Variants in SLC5A10 observed in about 807,000 individuals in gnomAD.
SLC5A10 encodes sodium/mannose cotransporter SLC5A10.
A neutral mutation model predicts 68.9 loss-of-function variants in SLC5A10; 55 were observed. That is an observed-to-expected ratio of 0.80 (90% CI 0.64 to 1.00). SLC5A10 has a LOEUF of 1.00. Ranked by LOEUF, SLC5A10 falls within the 50% of genes least tolerant of loss-of-function variation. The pLI is 0.00. For missense variants in SLC5A10, 732 were observed against 819.3 expected (o/e 0.89, Z 1.30); for synonymous variants, 344 against 344.8 (o/e 1.00, Z 0.02).
rs556522304 is a variant in SLC5A10 at position 18,953,124 on chromosome 17, C to G, written c.111+808C>G. 3.1e-3 allele frequency among the ~76,000 whole-genome samples: 421 copies of G among 135,992 alleles called. 2 individuals carry two copies. The highest frequency in any genetic ancestry group is 9.5e-3 in the Admixed American group (118 of 12,414). The allele number at this position is 135,992 out of a possible 152,430, so 89.2% of individuals were successfully genotyped here. On this transcript the variant is annotated intron_variant, in intron 1 of 14. Coordinates refer to ENST00000395645, the MANE Select transcript of SLC5A10 (RefSeq NM_001042450.4). ...CAGTCTCCTGGGGAGAATGAGTACC[C>G]CTTCTTTTTTTTTTTTTTTTTTTTT...
Position 19,016,302 on chromosome 17 carries a change from G to A in SLC5A10, c.1241+1103G>A, listed in dbSNP as rs570043106. Among the ~76,000 whole-genome samples the A allele has an allele frequency of 1.1e-4, 17 of 152,160 alleles. No homozygotes were observed. In the East Asian group the frequency reaches 3.1e-3, roughly 28 times the overall value. On this transcript the variant is annotated intron_variant, in intron 11 of 14. Transcript: ENST00000395645. ...CTCAGGTTATTCATCCACCTCAGCG[G>A]GCTGGGATTACAGGTATGAGCCAGT... is the stretch of plus-strand genomic sequence containing the variant.
At chr17:18,977,439 T>C in intron 9 of SLC5A10, 1 of 826,550 alleles carries the variant, frequency 1.2e-6, no homozygotes, top group Non-Finnish European at 1.9e-6. Context: ...CACCCCTGCC[T>C]GTTCATCAAG....
rs766695880 is a variant in SLC5A10, at chr17:19,003,634, G to C, written c.983-9776G>C. On this transcript the variant is annotated intron_variant, in intron 9 of 14. Transcript: ENST00000395645. This position sits in a 1 kb window ranked among gnomAD's most constrained non-coding sequence, Gnocchi z 4.5. ...TCACGCCGCGGTAGGCGATGGTGTC[G>C]GGCCAGCCCAGGTCCAGCTGCGGGA... 1 of 1,612,244 alleles carries C rather than the reference G, an allele frequency of 6.2e-7. No individual in the cohort carries two copies. Among genetic ancestry groups the C allele is most frequent in the Admixed American group, 1.7e-5 (1 of 59,948 alleles).
chr17:18,972,488 T>G (rs1004663441), intron 8 of SLC5A10, among the ~76,000 whole-genome samples: 1 of 152,098 alleles, frequency 6.6e-6, no homozygotes, highest in African/African-American at 2.4e-5. Flanking sequence ...TTTTCCGTGG[T>G]TCCCGACTCT....
At position 19,004,111 on chromosome 17, in the gene SLC5A10, T is replaced by G. The variant is rs1216827335; in HGVS notation, c.983-9299T>G. Reference sequence around the variant, plus strand: ...GTCCAGCTCCTAGCTCCGGCCCAGCTGGGGCACCGCGCGCTCGGGGGCCTC... The same window carrying G: ...GTCCAGCTCCTAGCTCCGGCCCAGCGGGGGCACCGCGCGCTCGGGGGCCTC... On this transcript the variant is annotated intron_variant, in intron 9 of 14. Transcript: ENST00000395645. This position sits in a 1 kb window ranked among gnomAD's most constrained non-coding sequence, Gnocchi z 5.4. 6.8e-7 allele frequency: 1 copy of G among 1,468,358 alleles called. No homozygotes were observed. Among genetic ancestry groups the G allele is most frequent in the Non-Finnish European group, 9.1e-7 (1 of 1,095,718 alleles). 91.0% of individuals were successfully genotyped at this position (1,468,358 alleles called of 1,614,324 possible).
chr17:18,955,085 C>CAA lies in SLC5A10; in HGVS notation c.111+2793_111+2794dup, dbSNP rs398041580. 1.5e-3 allele frequency among the ~76,000 whole-genome samples: 184 copies of CAA among 118,798 alleles called. 1 individual carries two copies. The highest frequency in any genetic ancestry group is 5.8e-3 in the African/African-American group (177 of 30,392). 77.9% of individuals were successfully genotyped at this position (118,798 alleles called of 152,430 possible). On this transcript the variant is annotated intron_variant, in intron 1 of 14. Coordinates refer to ENST00000395645, the MANE Select transcript of SLC5A10 (RefSeq NM_001042450.4). ...TGGGCAAAAGAGTGAAACACTGTAT[C>CAA]AAAAAAAAAAAAAAAAAAAAAAAAA...
At chr17:18,988,535 A>T (rs1042106744) in intron 9 of SLC5A10, 7 of 1,487,664 alleles carry the variant, frequency 4.7e-6, no homozygotes, top group Non-Finnish European at 5.4e-6. Context: ...CTCTGGCCCT[A>T]CTCCTGGAGC....
At chr17:18,978,857 C>T (rs1027504196) in intron 9 of SLC5A10, 3 of 1,610,484 alleles carry the variant, frequency 1.9e-6, no homozygotes, top group African/African-American at 1.3e-5. Flanking sequence ...GAAGCTGCAA[C>T]AGAGGGAGGG....
rs756147216 is a variant in SLC5A10 at position 18,971,238 on chromosome 17, G to A, written c.846+20G>A. The stretch of plus-strand genomic sequence containing the variant: ...GACCAGGTGAGTGCCAACGTCTCCC[G>A]CCCATCCCACCTTCCTGCCGTCCCA... On this transcript the variant is annotated intron_variant, in intron 8 of 14. Coordinates refer to ENST00000395645, the MANE Select transcript of SLC5A10 (RefSeq NM_001042450.4). This position sits in a 1 kb window ranked among gnomAD's most constrained non-coding sequence, Gnocchi z 5.5. 5.0e-6 allele frequency: 8 copies of A among 1,612,732 alleles called. No homozygotes were observed. Among genetic ancestry groups the A allele is most frequent in the East Asian group, 4.5e-5 (2 of 44,854 alleles).
intron 8 of SLC5A10, chr17:18,975,712 A>T (rs1448568907): frequency 1.3e-5 from 2 of 152,068 alleles, no homozygotes; most frequent in African/African-American, 4.8e-5. Flanking sequence ...AAAAAAAATC[A>T]TAGAGGCTTC....
chr17:18,980,248 A>G (rs2043096085), intron 9 of SLC5A10, among the ~76,000 whole-genome samples: 1 of 152,132 alleles, frequency 6.6e-6, no homozygotes, highest in Non-Finnish European at 1.5e-5. Context: ...CTCCGAGGAC[A>G]GGACTCACAG....
intron 6 of SLC5A10, 34 bp downstream of exon 6, chr17:18,969,191 G>C (rs548887367): frequency 1.9e-6 from 3 of 1,608,466 alleles, no homozygotes; most frequent in East Asian, 4.5e-5. Context: ...TCCACCCAGG[G>C]GACGTGTAAA....
intron 9 of SLC5A10, among the ~76,000 whole-genome samples, chr17:18,985,723 C>A (rs974132970): frequency 3.9e-5 from 6 of 152,224 alleles, no homozygotes; most frequent in African/African-American, 1.4e-4. Context: ...CCCATGGAGG[C>A]GTCTAGCTCC....
intron 9 of SLC5A10, chr17:18,979,543 A>G: frequency 6.2e-7 from 1 of 1,612,724 alleles, no homozygotes; most frequent in South Asian, 1.1e-5. Flanking sequence ...AAAGCTGGAG[A>G]GTCACCTGTA....
chr17:18,977,847 G>C (rs1027117583), intron 9 of SLC5A10: 1 of 1,610,552 alleles, frequency 6.2e-7, no homozygotes, highest in Non-Finnish European at 8.5e-7. Context: ...GAGGGCCGTC[G>C]GGGGCCAGGG....
chr17:18,992,877 C>G (rs1597877184), intron 9 of SLC5A10, among the ~76,000 whole-genome samples: 1 of 152,182 alleles, frequency 6.6e-6, no homozygotes, highest in East Asian at 1.9e-4. Context: ...CTGGTGGCCG[C>G]CCTCTCCCTG....
chr17:19,005,273 G>A (rs780886887), intron 9 of SLC5A10, among the ~76,000 whole-genome samples: 4 of 152,204 alleles, frequency 2.6e-5, no homozygotes, highest in Non-Finnish European at 5.9e-5. Context: ...TCTGGGAGGG[G>A]TCCCCGGACT....
intron 9 of SLC5A10, chr17:18,977,915 T>C: frequency 6.2e-7 from 1 of 1,610,112 alleles, no homozygotes; most frequent in East Asian, 2.2e-5. Context: ...GTAGTCGTCA[T>C]CATCTTCTTC....
Position 18,969,052 on chromosome 17 carries a change from C to A in SLC5A10, c.454C>A (p.Leu152Met). ...CACACAAGGCTCTCTCCCTCCGCAG[C>A]TGGACCTGTACGCGGGGGCTCTGTT... is the stretch of plus-strand genomic sequence containing the variant. ...LLLSVFTKISLDLYAGALFVH... is the reference protein window; with the variant it reads ...LLLSVFTKISMDLYAGALFVH... Residue 152 changes from leucine (L) to methionine (M), a missense_variant and splice_region_variant, in exon 6 of 15, where the codon CTG becomes ATG. Leu to Met is a conservative substitution (Grantham distance 15, BLOSUM62 2). Transcript: ENST00000395645. The A allele has an allele frequency of 6.2e-7, 1 of 1,612,768 alleles. No homozygotes were observed. The highest frequency in any genetic ancestry group is 8.5e-7 in the Non-Finnish European group (1 of 1,179,410).
Sources: allele counts gnomAD v4.1 joint callset (sites outside exome capture counted in the v4.1 genomes callset), GRCh38; gene constraint gnomAD v4.1.1; non-coding constraint Gnocchi (gnomAD v3.1); transcripts MANE v1.5; gene names NCBI Gene and HGNC (gene_info 2026-07-23, HGNC 2026-07-21).